RNF24: variants seen among roughly 807,000 people sequenced by gnomAD.
RNF24 encodes the protein ring finger protein 24.
Under a neutral mutation model 20.0 loss-of-function variants are expected in RNF24, and 14 were observed. That is an observed-to-expected ratio of 0.70 (90% CI 0.46 to 1.10). RNF24 has a LOEUF of 1.10. Among genes scored for constraint, RNF24 ranks in the 50% least tolerant of loss-of-function variants. The probability of loss-of-function intolerance (pLI) is 0.00; values close to 1 mark genes in which losing one functional copy is unlikely to be tolerated. For synonymous variants in RNF24, 45 were observed against 61.1 expected, an observed-to-expected ratio of 0.74 and a Z score of 1.23; for missense variants, 124 against 177.6, an observed-to-expected ratio of 0.70 and a Z score of 1.71.
chr20:4,007,819 G>C (rs1982009329), intron 1 of RNF24, among the ~76,000 whole-genome samples: 1 of 151,706 alleles, frequency 6.6e-6, no homozygotes, highest in African/African-American at 2.4e-5. Flanking sequence ...GGGAGGTTGA[G>C]GTGGGAGGAT....
chr20:3,947,184 C>T lies in RNF24; in HGVS notation c.186+1053G>A, dbSNP rs531757557. On this transcript the variant is annotated intron_variant, in intron 3 of 5. Transcript: ENST00000358395. The stretch of plus-strand genomic sequence containing the variant: ...ACTCCAGCCTGGCGACAGAGCGAGA[C>T]TCCGTCTCAAAAACAAACAAAAACA... Among the ~76,000 whole-genome samples, 23 of 151,802 alleles carry T rather than the reference C, an allele frequency of 1.5e-4. No individual in the cohort carries two copies. In the South Asian group the frequency reaches 4.6e-3, roughly 30 times the overall value.
intron 4 of RNF24, among the ~76,000 whole-genome samples, chr20:3,944,071 G>A (rs1600633846): frequency 6.6e-6 from 1 of 152,196 alleles, no homozygotes; most frequent in South Asian, 2.1e-4. Flanking sequence ...TTAGCTGGGT[G>A]TGGTGGCGCA....
In RNF24 at chr20:3,933,569, A is replaced by G; in HGVS notation, c.*494T>C. ...GGCCTTATCAAAGGCATACAACATG[A>G]GCCTTGTGGGCACTGCCTCACCAAC... is the stretch of plus-strand genomic sequence containing the variant. On this transcript the variant is annotated 3_prime_UTR_variant, in exon 6 of 6. Transcript: ENST00000358395. The G allele has an allele frequency of 5.5e-6, 1 of 182,380 alleles. No individual in the cohort carries two copies. Among genetic ancestry groups the G allele is most frequent in the Non-Finnish European group, 1.1e-5 (1 of 88,516 alleles). The allele number at this position is 182,380 out of a possible 1,614,324, so 11.3% of individuals were successfully genotyped here.
At chr20:3,987,084 C>G (rs1226556102) in intron 1 of RNF24, among the ~76,000 whole-genome samples, 1 of 152,164 alleles carries the variant, frequency 6.6e-6, no homozygotes, top group Non-Finnish European at 1.5e-5. Flanking sequence ...TATACTTTTA[C>G]AAAGAATCTG....
rs752090080 is a variant in RNF24, at chr20:3,993,143, G to A, written c.-8+22294C>T. 9.2e-4 allele frequency among the ~76,000 whole-genome samples: 140 copies of A among 152,062 alleles called. 2 individuals carry two copies. Among genetic ancestry groups the A allele is most frequent in the Non-Finnish European group, 3.1e-4 (21 of 68,010 alleles). On this transcript the variant is annotated intron_variant, in intron 1 of 5. Transcript: ENST00000358395. ...ATTGTGCTTTAGAGTTTGTGACTAG[G>A]TTGTATACATATTATTTAATCCTTA...
chr20:3,941,902 C>T (rs1038306098), intron 4 of RNF24, among the ~76,000 whole-genome samples: 3 of 151,734 alleles, frequency 2.0e-5, no homozygotes, highest in Admixed American at 6.6e-5. Context: ...GGTGAAACCC[C>T]ATCTCTACTA....
chr20:3,990,973 G>C (rs1980386890), intron 1 of RNF24, among the ~76,000 whole-genome samples: 2 of 152,072 alleles, frequency 1.3e-5, no homozygotes, highest in Non-Finnish European at 2.9e-5. Flanking sequence ...ACAGGACAGT[G>C]CATGTGGCAT....
chr20:3,976,897 G>C (rs1978913279), intron 1 of RNF24, among the ~76,000 whole-genome samples: 1 of 152,120 alleles, frequency 6.6e-6, no homozygotes, highest in South Asian at 2.1e-4. Context: ...TTATACTATA[G>C]TTTTACAAGA....
rs955916446 is a variant in RNF24 at position 3,942,116 on chromosome 20, C to T, written c.228+3061G>A. On this transcript the variant is annotated intron_variant, in intron 4 of 5. Coordinates refer to ENST00000358395, the MANE Select transcript of RNF24 (RefSeq NM_001134337.3). ...AAGAAAAGAAAAAGGTGGAAATACA[C>T]ATACCATGCAAACAATCAAAAGGAA... is the stretch of plus-strand genomic sequence containing the variant. Among the ~76,000 whole-genome samples the T allele has an allele frequency of 2.0e-5, 3 of 150,554 alleles. No homozygotes were observed. In the East Asian group the frequency reaches 5.8e-4, roughly 29 times the overall value.
intron 2 of RNF24, among the ~76,000 whole-genome samples, chr20:3,951,667 T>C (rs2091082994): frequency 6.6e-6 from 1 of 152,210 alleles, no homozygotes; most frequent in South Asian, 2.1e-4. Flanking sequence ...TCTTAATCTA[T>C]GGGAAGAGAT....
At chr20:3,944,951 T>A in intron 4 of RNF24, among the ~76,000 whole-genome samples, 1 of 152,250 alleles carries the variant, frequency 6.6e-6, no homozygotes, top group East Asian at 1.9e-4. Context: ...CCTACTGCTA[T>A]GAAATTTTAT....
intron 1 of RNF24, among the ~76,000 whole-genome samples, chr20:4,000,541 AT>A (rs1600714553): frequency 1.3e-5 from 2 of 152,158 alleles, no homozygotes; most frequent in East Asian, 3.8e-4. Context: ...AAAAAATTAT[AT>A]TAATGCATAT....
intron 1 of RNF24, among the ~76,000 whole-genome samples, chr20:4,004,547 G>A (rs1981687173): frequency 6.6e-6 from 1 of 152,180 alleles, no homozygotes; most frequent in Non-Finnish European, 1.5e-5. Flanking sequence ...AGGATCTGGA[G>A]ATGAGAGCAT....
chr20:3,972,179 TA>T (rs1233931080), intron 1 of RNF24, among the ~76,000 whole-genome samples: 10 of 152,010 alleles, frequency 6.6e-5, no homozygotes, highest in Non-Finnish European at 1.5e-5. Flanking sequence ...AAAGGAGATA[TA>T]AAGAAATCTA....
intron 1 of RNF24, among the ~76,000 whole-genome samples, chr20:3,999,473 G>A (rs1471419988): frequency 6.6e-6 from 1 of 152,140 alleles, no homozygotes; most frequent in Admixed American, 6.5e-5. Context: ...AAAAAGTCAC[G>A]GCCGGGTGCA....
At chr20:3,960,715 A>G (rs540500612) in intron 2 of RNF24, among the ~76,000 whole-genome samples, 1 of 152,322 alleles carries the variant, frequency 6.6e-6, no homozygotes, top group East Asian at 1.9e-4. Context: ...TGACTAGTAA[A>G]TGAAGTTTAG....
At chr20:4,015,305 G>T (rs1041005293) in intron 1 of RNF24, 132 bp downstream of exon 1, 1 of 152,124 alleles carries the variant, frequency 6.6e-6, no homozygotes, top group Non-Finnish European at 1.5e-5. Context: ...GGCGCCGGGA[G>T]AGTGTGTGTG....
chr20:3,963,756 C>G, intron 2 of RNF24, 119 bp downstream of exon 2: 1 of 725,842 alleles, frequency 1.4e-6, no homozygotes, highest in Middle Eastern at 3.9e-4. Flanking sequence ...GGTAAGCCAT[C>G]TTAATTTTTT....
intron 2 of RNF24, among the ~76,000 whole-genome samples, chr20:3,957,770 T>C (rs989606659): frequency 4.6e-5 from 7 of 152,318 alleles, no homozygotes; most frequent in African/African-American, 1.2e-4. Context: ...ATATTTTACA[T>C]TGCACTATTT....
Sources: allele counts gnomAD v4.1 joint callset (sites outside exome capture counted in the v4.1 genomes callset), GRCh38; gene constraint gnomAD v4.1.1; transcripts MANE v1.5; gene names NCBI Gene and HGNC (gene_info 2026-07-23, HGNC 2026-07-21).